The following NUP210 variants were observed in gnomAD, a reference collection of about 807,000 sequenced individuals.
NUP210 encodes nuclear pore membrane glycoprotein 210.
In NUP210, 151 loss-of-function variants were observed where a neutral mutation model predicts 196.0. That is an observed-to-expected ratio of 0.77 (90% confidence interval 0.67 to 0.88). The LOEUF is 0.88. Ranked by LOEUF, NUP210 falls within the 40% of genes least tolerant of loss-of-function variation. NUP210 has a pLI of 0.00. For missense variants in NUP210, 2,314 were observed against 2,493.7 expected (o/e 0.93, Z 1.53); for synonymous variants, 1,070 against 1,052.7 (o/e 1.02, Z -0.32).
intron 20 of NUP210, 77 bp from the exon 21 acceptor site, chr3:13,343,380 G>A: frequency 6.5e-7 from 1 of 1,538,566 alleles, no homozygotes; most frequent in Admixed American, 1.9e-5. Flanking sequence ...TCAGGTTTGT[G>A]AGCAGTGCCT....
chr3:13,337,183 C>T (rs1234644368), intron 26 of NUP210, among the ~76,000 whole-genome samples: 1 of 152,202 alleles, frequency 6.6e-6, no homozygotes, highest in African/African-American at 2.4e-5. Context: ...GTCCCTGGAG[C>T]TCTAGGAGGC....
In NUP210 at chr3:13,319,981, TG is replaced by T. The variant is rs773633649; in HGVS notation, c.5167-3del. 4 of 1,613,282 alleles carry T rather than the reference TG, an allele frequency of 2.5e-6. No homozygotes were observed. In the East Asian group the frequency reaches 8.9e-5, roughly 36 times the overall value. Reference sequence around the variant, plus strand: ...CACGGCCGGGGACCCGGATTTCACCTGGAAGAGACATCAGAGCTGGGGGTGC... The same window carrying T: ...CACGGCCGGGGACCCGGATTTCACCTGAAGAGACATCAGAGCTGGGGGTGC... On this transcript the variant is annotated splice_polypyrimidine_tract_variant and splice_region_variant and intron_variant, in intron 36 of 39. Coordinates refer to ENST00000254508, the MANE Select transcript of NUP210 (RefSeq NM_024923.4).
Position 13,386,379 on chromosome 3 carries a change from A to T in NUP210, c.713T>A (p.Leu238Gln). The T allele has an allele frequency of 6.2e-7, 1 of 1,614,228 alleles. No individual in the cohort carries two copies. The highest frequency in any genetic ancestry group is 8.5e-7 in the Non-Finnish European group (1 of 1,180,038). ...GTTCAGAAGGATGTTTTCCAAAATCAGCAGCCTGACTTCTGCAGGGCGTAC... is the reference window on the plus strand; with the variant it reads ...GTTCAGAAGGATGTTTTCCAAAATCTGCAGCCTGACTTCTGCAGGGCGTAC... ...KNVRPAEVRL[L>Q]ILENILLNPA... The change falls in exon 6 of 40, where the codon CTG becomes CAG. Residue 238 changes from leucine (L) to glutamine (Q), a missense_variant. Transcript: ENST00000254508.
chr3:13,357,748 C>T (rs1042424608), intron 16 of NUP210, among the ~76,000 whole-genome samples: 1 of 152,148 alleles, frequency 6.6e-6, no homozygotes, highest in Non-Finnish European at 1.5e-5. Flanking sequence ...GACTTTCTTC[C>T]TCTCCCAACA....
In NUP210 at chr3:13,328,710, T is replaced by C. The variant is rs1405276021; in HGVS notation, c.4286+61A>G. ...AGCAGACTTTCTGTGTTATCCCCAG[T>C]TGTCTCTACCAGGTACCAGACAGGA... On this transcript the variant is annotated intron_variant, in intron 31 of 39. Transcript: ENST00000254508. 2.1e-6 allele frequency: 3 copies of C among 1,459,590 alleles called. No individual in the cohort carries two copies. The African/African-American group carries it at 4.2e-5, about 20-fold the overall frequency. The allele number at this position is 1,459,590 out of a possible 1,614,324, so 90.4% of individuals were successfully genotyped here. A position where few individuals can be genotyped will look rare whatever the true frequency, so the allele number is the denominator to read the frequency against.
At chr3:13,376,907 T>G (rs1328412640) in intron 9 of NUP210, among the ~76,000 whole-genome samples, 1 of 151,638 alleles carries the variant, frequency 6.6e-6, no homozygotes, top group East Asian at 1.9e-4. Context: ...CTGGGGGTGC[T>G]CACTGACGAG....
At chr3:13,358,777 G>A (rs2124889770) in intron 15 of NUP210, among the ~76,000 whole-genome samples, 1 of 152,346 alleles carries the variant, frequency 6.6e-6, no homozygotes, top group South Asian at 2.1e-4. Context: ...CATGGAACGA[G>A]GAACAGACGT....
intron 12 of NUP210, among the ~76,000 whole-genome samples, chr3:13,373,034 G>C (rs953434747): frequency 2.0e-5 from 3 of 152,138 alleles, no homozygotes; most frequent in Non-Finnish European, 4.4e-5. Context: ...GGTCTCAAGC[G>C]GAAGACTGGC....
intron 13 of NUP210, among the ~76,000 whole-genome samples, chr3:13,369,071 T>C (rs945443475): frequency 2.0e-5 from 3 of 152,224 alleles, no homozygotes; most frequent in Non-Finnish European, 4.4e-5. Context: ...AGAGTTCCAG[T>C]GTCTTCACAT....
chr3:13,387,963 T>C (rs1699330222), intron 5 of NUP210, among the ~76,000 whole-genome samples: 1 of 152,078 alleles, frequency 6.6e-6, no homozygotes, highest in African/African-American at 2.4e-5. Flanking sequence ...CCCCAAGTGC[T>C]TGGGAGTGTC....
At chr3:13,415,449 C>T (rs1323070708) in intron 1 of NUP210, among the ~76,000 whole-genome samples, 3 of 152,132 alleles carry the variant, frequency 2.0e-5, no homozygotes, top group Non-Finnish European at 2.9e-5. Flanking sequence ...ATAACGCAAT[C>T]GACCAAAGCC....
chr3:13,348,682 C>G lies in NUP210; in HGVS notation c.2835+3197G>C. 1.0e-6 allele frequency: 1 copy of G among 985,410 alleles called. No homozygotes were observed. Among genetic ancestry groups the G allele is most frequent in the Non-Finnish European group, 1.2e-6 (1 of 829,934 alleles). The allele number at this position is 985,410 out of a possible 1,614,324, so 61.0% of individuals were successfully genotyped here. ...TGTGGTCTCAGGCTCCTCGCCTCCT[C>G]CAGTGTCCTCCAACCACAAGCATGT... On this transcript the variant is annotated intron_variant, in intron 20 of 39. Transcript: ENST00000254508. The surrounding 1 kb of genome is among the most constrained non-coding windows in gnomAD (Gnocchi z 4.0).
chr3:13,378,254 A>G (rs368982236), intron 8 of NUP210, among the ~76,000 whole-genome samples: 4 of 152,276 alleles, frequency 2.6e-5, no homozygotes, highest in African/African-American at 7.2e-5. Context: ...GCCAGGACCA[A>G]CCCTGGACTC....
In NUP210 at chr3:13,379,473, G is replaced by C. The variant is rs1419395543; in HGVS notation, c.976+90C>G. On this transcript the variant is annotated intron_variant, in intron 7 of 39. Transcript: ENST00000254508. The surrounding 1 kb of genome is among the most constrained non-coding windows in gnomAD (Gnocchi z 4.2). ...CGTTGAGGGGAAACGGCTATTTTTA[G>C]CCCTGCCGAGCTTTCAGGGAAAAAA... 3.3e-6 allele frequency: 5 copies of C among 1,502,710 alleles called. No individual in the cohort carries two copies. The highest frequency in any genetic ancestry group is 4.6e-6 in the Non-Finnish European group (5 of 1,085,850). 93.1% of individuals were successfully genotyped at this position (1,502,710 alleles called of 1,614,324 possible).
At chr3:13,397,212 A>G (rs1282328372) in intron 3 of NUP210, 145 bp downstream of exon 3, 17 of 972,762 alleles carry the variant, frequency 1.7e-5, no homozygotes, top group Non-Finnish European at 2.4e-5. Context: ...CCCAGCACCA[A>G]CTTCACCTGC....
intron 14 of NUP210, among the ~76,000 whole-genome samples, chr3:13,361,731 C>T (rs1343404426): frequency 6.6e-6 from 1 of 152,210 alleles, no homozygotes; most frequent in African/African-American, 2.4e-5. Context: ...AGACACAGAC[C>T]TGACCCTGTC....
Position 13,341,791 on chromosome 3 carries a change from T to C in NUP210, c.3185A>G (p.Asn1062Ser), listed in dbSNP as rs1559316986. The C allele has an allele frequency of 1.2e-6, 2 of 1,614,136 alleles. No homozygotes were observed. Among genetic ancestry groups the C allele is most frequent in the Non-Finnish European group, 1.7e-6 (2 of 1,180,052 alleles). ...TGAGTTGATTCTCTGTCCAGCTTTA[T>C]TGGTCACACTTGCAGTTAGACTGGT... Reference protein sequence around the residue: ...GQTSLTASVTNKAGQRINSAP... With the variant: ...GQTSLTASVTSKAGQRINSAP... Residue 1062 changes from asparagine to serine, a missense_variant, in exon 23 of 40, where the codon AAT (asparagine) becomes AGT (serine). Coordinates refer to ENST00000254508, the MANE Select transcript of NUP210 (RefSeq NM_024923.4).
At chr3:13,372,400 A>G (rs1377480427) in intron 12 of NUP210, among the ~76,000 whole-genome samples, 1 of 152,156 alleles carries the variant, frequency 6.6e-6, no homozygotes, top group Non-Finnish European at 1.5e-5. Context: ...GGGGCTGGCA[A>G]CCATGGTGAG....
chr3:13,412,921 A>C (rs1376664218), intron 1 of NUP210, among the ~76,000 whole-genome samples: 1 of 151,874 alleles, frequency 6.6e-6, no homozygotes, highest in African/African-American at 2.4e-5. Context: ...CAGTGAGCCG[A>C]GATCAGGCCA....
Sources: allele counts gnomAD v4.1 joint callset (sites outside exome capture counted in the v4.1 genomes callset), GRCh38; gene constraint gnomAD v4.1.1; non-coding constraint Gnocchi (gnomAD v3.1); transcripts MANE v1.5; gene names NCBI Gene and HGNC (gene_info 2026-07-23, HGNC 2026-07-21).